ADGRV1: variants seen among roughly 807,000 people sequenced by gnomAD.
The protein encoded by ADGRV1 is G-protein coupled receptor 98.
ADGRV1 carries 359 observed loss-of-function variants against 596.2 expected under a neutral mutation model. The observed-to-expected ratio is 0.60, with a 90% CI of 0.55 to 0.66. ADGRV1 has a LOEUF of 0.66. Among genes scored for constraint, ADGRV1 ranks in the 30% least tolerant of loss-of-function variants. The pLI is 0.00. For missense variants in ADGRV1, 7,274 were observed against 7,575.6 expected (o/e 0.96, Z 1.48); for synonymous variants, 2,681 against 2,679.2 (o/e 1.00, Z -0.02).
chr5:90,738,584 C>T (rs2460185), intron 50 of ADGRV1, among the ~76,000 whole-genome samples: 58,133 of 151,804 alleles, frequency 0.38, 12,200 homozygotes, highest in Admixed American at 0.54. Context: ...GTAAAGTATT[C>T]TTGGTAGAAG....
chr5:90,568,776 ATG>A (rs1755988820), intron 1 of ADGRV1, among the ~76,000 whole-genome samples: 1 of 152,066 alleles, frequency 6.6e-6, no homozygotes, highest in African/African-American at 2.4e-5. Flanking sequence ...TTTTTAATTC[ATG>A]TGTTTTGGGA....
chr5:90,642,574 C>T, intron 11 of ADGRV1, 62 bp from the exon 12 acceptor site: 1 of 1,576,294 alleles, frequency 6.3e-7, no homozygotes, highest in Non-Finnish European at 8.6e-7. Flanking sequence ...CCTTAAAAGC[C>T]TGCAAAATTC....
intron 83 of ADGRV1, among the ~76,000 whole-genome samples, chr5:90,895,176 T>C (rs1029473491): frequency 6.6e-6 from 1 of 152,140 alleles, no homozygotes; most frequent in African/African-American, 2.4e-5. Context: ...GTGATCCTCA[T>C]GCCTTACTGA....
In ADGRV1 at chr5:91,066,923, C is replaced by T. The variant is rs12109740; in HGVS notation, c.18153-5524C>T. ...CAGGCATGCTGTGGGAGCAAGCCCTCCTCCTTAACATTCTGGCCCAACATT... is the reference window on the plus strand; with the variant it reads ...CAGGCATGCTGTGGGAGCAAGCCCTTCTCCTTAACATTCTGGCCCAACATT... On this transcript the variant is annotated intron_variant, in intron 85 of 89. Transcript: ENST00000405460. Among the ~76,000 whole-genome samples, 216 of 152,242 alleles carry T rather than the reference C, an allele frequency of 1.4e-3. 1 individual carries two copies. Among genetic ancestry groups the T allele is most frequent in the African/African-American group, 4.6e-3 (193 of 41,546 alleles).
chr5:90,674,439 A>C, intron 23 of ADGRV1: 1 of 386,206 alleles, frequency 2.6e-6, no homozygotes, highest in Non-Finnish European at 4.5e-6. Context: ...AAACTTCAAT[A>C]ATATGTTTTG....
Position 91,072,506 on chromosome 5 carries a change from G to A in ADGRV1, c.18212G>A (p.Cys6071Tyr). ...ACTGCAGCTCTTGTTCCTTTGACGTGCCTCGTGGTGGTGTTCGTGGTGTTC... is the reference window on the plus strand; with the variant it reads ...ACTGCAGCTCTTGTTCCTTTGACGTACCTCGTGGTGGTGTTCGTGGTGTTC... ...LFTAALVPLT[C>Y]LVVVFVVFIH... Residue 6071 changes from cysteine to tyrosine, a missense_variant, in exon 86 of 90, where the codon TGC (cysteine) becomes TAC (tyrosine). Cys to Tyr is a radical substitution (Grantham distance 194, BLOSUM62 -2). Coordinates refer to ENST00000405460, the MANE Select transcript of ADGRV1 (RefSeq NM_032119.4). The A allele has an allele frequency of 1.2e-6, 2 of 1,613,792 alleles. No homozygotes were observed. Among genetic ancestry groups the A allele is most frequent in the Non-Finnish European group, 1.7e-6 (2 of 1,179,722 alleles).
chr5:90,737,839 T>C (rs1753448248), intron 50 of ADGRV1, among the ~76,000 whole-genome samples: 1 of 151,970 alleles, frequency 6.6e-6, no homozygotes, highest in African/African-American at 2.4e-5. Context: ...TAGTCTCTTG[T>C]AGGCAGCATA....
intron 1 of ADGRV1, among the ~76,000 whole-genome samples, chr5:90,581,879 G>A (rs1758108420): frequency 6.6e-6 from 1 of 152,138 alleles, no homozygotes; most frequent in Non-Finnish European, 1.5e-5. Flanking sequence ...TTGGTAAATT[G>A]TGTCTCTACT....
chr5:91,038,360 G>T (rs1171150054), intron 85 of ADGRV1, among the ~76,000 whole-genome samples: 1 of 152,186 alleles, frequency 6.6e-6, no homozygotes, highest in Non-Finnish European at 1.5e-5. Context: ...ATTTTAAAAT[G>T]CCCCTCCATT....
chr5:91,131,164 T>C (rs938187179), intron 87 of ADGRV1, among the ~76,000 whole-genome samples: 3 of 152,238 alleles, frequency 2.0e-5, no homozygotes, highest in African/African-American at 7.2e-5. Flanking sequence ...AGAATAATAA[T>C]TCTATTTTTG....
At chr5:90,997,300 C>A (rs1283651143) in intron 85 of ADGRV1, among the ~76,000 whole-genome samples, 1 of 152,044 alleles carries the variant, frequency 6.6e-6, no homozygotes, top group African/African-American at 2.4e-5. Context: ...TAGCACCATC[C>A]CCAGAGTGCT....
chr5:90,670,899 A>T (rs768395406), intron 21 of ADGRV1, among the ~76,000 whole-genome samples: 2 of 152,202 alleles, frequency 1.3e-5, no homozygotes, highest in Non-Finnish European at 2.9e-5. Context: ...AAGCACCATC[A>T]TCTGAAGGCA....
chr5:90,678,897 A>G (rs1319717603), intron 25 of ADGRV1, among the ~76,000 whole-genome samples: 1 of 152,100 alleles, frequency 6.6e-6, no homozygotes, highest in East Asian at 1.9e-4. Flanking sequence ...ACATTTCTAT[A>G]ATAAAAGACA....
Position 91,025,538 on chromosome 5 carries a change from C to T in ADGRV1, c.18152+40016C>T, listed in dbSNP as rs190168613. Reference sequence around the variant, plus strand: ...AAGATCATTTTTTCTGTTTGTGAGACATAAAGGAAGGGCATGCTGTCAGAT... The same window carrying T: ...AAGATCATTTTTTCTGTTTGTGAGATATAAAGGAAGGGCATGCTGTCAGAT... On this transcript the variant is annotated intron_variant, in intron 85 of 89. Transcript: ENST00000405460. 9.9e-4 allele frequency among the ~76,000 whole-genome samples: 150 copies of T among 152,100 alleles called. 2 individuals are homozygous for T. Among genetic ancestry groups the T allele is most frequent in the African/African-American group, 3.5e-3 (146 of 41,498 alleles).
intron 1 of ADGRV1, among the ~76,000 whole-genome samples, chr5:90,578,016 GGAT>G (rs1411970093): frequency 1.3e-5 from 2 of 152,070 alleles, no homozygotes; most frequent in African/African-American, 2.4e-5. Flanking sequence ...TTTTGGGCTG[GGAT>G]GATGGGGTTT....
chr5:90,945,838 C>T (rs1219436250), intron 83 of ADGRV1, among the ~76,000 whole-genome samples: 1 of 151,912 alleles, frequency 6.6e-6, no homozygotes, highest in Non-Finnish European at 1.5e-5. Flanking sequence ...TTTGGTGGGA[C>T]ATGGTGGTGT....
At chr5:91,152,033 G>A (rs1327300430) in intron 88 of ADGRV1, among the ~76,000 whole-genome samples, 1 of 152,206 alleles carries the variant, frequency 6.6e-6, no homozygotes, top group African/African-American at 2.4e-5. Context: ...ATGTTGGTAG[G>A]CAGTAGCTGT....
chr5:90,719,578 A>AT (rs1030398631), intron 43 of ADGRV1, among the ~76,000 whole-genome samples: 2 of 151,502 alleles, frequency 1.3e-5, no homozygotes, highest in African/African-American at 2.4e-5. Context: ...GTAGTTGGAC[A>AT]TTTTTTTTAA....
intron 23 of ADGRV1, 62 bp from the exon 24 acceptor site, chr5:90,675,181 T>C: frequency 1.4e-6 from 2 of 1,407,066 alleles, no homozygotes; most frequent in Non-Finnish European, 9.7e-7. Context: ...ATCGCTTTAA[T>C]TGAATAAGAA....
Sources: gnomAD v4.1 joint callset for allele counts (sites outside exome capture counted in the v4.1 genomes callset) on GRCh38, gnomAD v4.1.1 for gene constraint, MANE v1.5 for transcripts, NCBI Gene and HGNC (gene_info 2026-07-23, HGNC 2026-07-21) for gene names.